The following RAB11FIP3 variants were observed in gnomAD, a reference collection of about 807,000 sequenced individuals.
RAB11FIP3 encodes the protein rab11 family-interacting protein 3.
RAB11FIP3 carries 17 observed loss-of-function variants against 77.8 expected under a neutral mutation model. The ratio of observed to expected loss-of-function variants is 0.22; its 90% CI spans 0.15 to 0.33. RAB11FIP3 has a LOEUF of 0.33. Ranked by LOEUF, RAB11FIP3 falls within the 10% of genes least tolerant of loss-of-function variation. The pLI is 1.00. For missense variants in RAB11FIP3, 1,005 were observed against 1,011.2 expected, an observed-to-expected ratio of 0.99 and a Z score of 0.08; for synonymous variants, 437 against 448.2, an observed-to-expected ratio of 0.98 and a Z score of 0.31.
chr16:469,855 C>G (rs897539810), intron 2 of RAB11FIP3, among the ~76,000 whole-genome samples: 3 of 151,892 alleles, frequency 2.0e-5, no homozygotes, highest in Non-Finnish European at 4.4e-5. Context: ...GAGACAGGGT[C>G]TTGCTCTGTC....
intron 5 of RAB11FIP3, among the ~76,000 whole-genome samples, chr16:495,345 G>A (rs2031026905): frequency 6.6e-6 from 1 of 152,202 alleles, no homozygotes; most frequent in African/African-American, 2.4e-5. Flanking sequence ...ACGGCGTGGT[G>A]GGGACACCAC....
intron 6 of RAB11FIP3, 182 bp from the exon 7 acceptor site, chr16:502,822 C>T (rs1196673915): frequency 8.2e-6 from 5 of 606,346 alleles, no homozygotes; most frequent in Non-Finnish European, 1.2e-5. Context: ...GATGTCCAGC[C>T]TGGGACCTCC....
intron 4 of RAB11FIP3, among the ~76,000 whole-genome samples, chr16:484,311 T>A (rs1464482214): frequency 1.3e-5 from 2 of 151,888 alleles, no homozygotes; most frequent in East Asian, 3.9e-4. Flanking sequence ...AGGTCCTTCC[T>A]GTGCCTGGCT....
At position 505,961 on chromosome 16, in the gene RAB11FIP3, G is replaced by C. The variant is rs932900956; in HGVS notation, c.1499+334G>C. The stretch of plus-strand genomic sequence containing the variant: ...CACGCAGTGCTCAGCCTCACCAGCA[G>C]GCCTGGAGGTGCAGCTCTCCCACCA... On this transcript the variant is annotated intron_variant, in intron 8 of 13. Coordinates refer to ENST00000262305, the MANE Select transcript of RAB11FIP3 (RefSeq NM_014700.4). The surrounding 1 kb of genome is among the most constrained non-coding windows in gnomAD (Gnocchi z 4.0). Among the ~76,000 whole-genome samples, 7 of 152,242 alleles carry C rather than the reference G, an allele frequency of 4.6e-5. No individual in the cohort carries two copies. Among genetic ancestry groups the C allele is most frequent in the African/African-American group, 1.7e-4 (7 of 41,468 alleles).
At chr16:438,719 T>A (rs547468275) in intron 1 of RAB11FIP3, among the ~76,000 whole-genome samples, 1 of 151,198 alleles carries the variant, frequency 6.6e-6, no homozygotes, top group African/African-American at 2.4e-5. Flanking sequence ...GAGATGGAAT[T>A]TCGCTCTAAC....
chr16:510,888 C>T, intron 9 of RAB11FIP3, 88 bp downstream of exon 9: 2 of 1,496,086 alleles, frequency 1.3e-6, no homozygotes, highest in Non-Finnish European at 1.8e-6. Context: ...CCAGAAACTG[C>T]AGGCCAGGTA....
Position 472,765 on chromosome 16 carries a change from A to T in RAB11FIP3, c.903+1376A>T, listed in dbSNP as rs986741273. Among the ~76,000 whole-genome samples the T allele has an allele frequency of 2.0e-5, 3 of 152,148 alleles. No homozygotes were observed. The highest frequency in any genetic ancestry group is 7.2e-5 in the African/African-American group (3 of 41,430). Reference sequence around the variant, plus strand: ...TGGCTGAAGAGTGGCCTCTCAAAAGATATGTCCACCCAGCAGCTGTGGATG... The same window carrying T: ...TGGCTGAAGAGTGGCCTCTCAAAAGTTATGTCCACCCAGCAGCTGTGGATG... On this transcript the variant is annotated intron_variant, in intron 3 of 13. Coordinates refer to ENST00000262305, the MANE Select transcript of RAB11FIP3 (RefSeq NM_014700.4). The surrounding 1 kb of genome is among the most constrained non-coding windows in gnomAD (Gnocchi z 4.1).
chr16:491,410 C>T, intron 5 of RAB11FIP3: 2 of 866,616 alleles, frequency 2.3e-6, no homozygotes, highest in Non-Finnish European at 3.1e-6. Context: ...CGCCTCCCAC[C>T]CTGCACGCTG....
intron 1 of RAB11FIP3, among the ~76,000 whole-genome samples, chr16:458,623 T>TTCCTCGGGTTCACCGATGCCCACA (rs2055549496): frequency 3.7e-5 from 2 of 54,230 alleles, no homozygotes; most frequent in African/African-American, 5.8e-5. Context: ...GATGCTCATC[T>TTCCTCGGGTTCACCGATGCCCACA]GCCGTAACCT....
chr16:515,892 T>C (rs1192737137), intron 9 of RAB11FIP3, among the ~76,000 whole-genome samples: 2 of 152,012 alleles, frequency 1.3e-5, no homozygotes, highest in Non-Finnish European at 2.9e-5. Flanking sequence ...TACAGCTGGA[T>C]CACACCCATC....
At chr16:437,383 A>G (rs1294925508) in intron 1 of RAB11FIP3, among the ~76,000 whole-genome samples, 1 of 151,798 alleles carries the variant, frequency 6.6e-6, no homozygotes, top group Admixed American at 6.6e-5. Flanking sequence ...AGTGTGGCCA[A>G]CATGGTGAAA....
At chr16:496,938 A>G in intron 6 of RAB11FIP3, 79 bp downstream of exon 6, 2 of 1,424,290 alleles carry the variant, frequency 1.4e-6, no homozygotes, top group East Asian at 2.3e-5. Context: ...ACATTTTAAA[A>G]TGTTCTTTTC....
Position 519,907 on chromosome 16 carries a change from G to T in RAB11FIP3, c.1860+16G>T, listed in dbSNP as rs540258262. ...CACCCAGGAGGTGAGCACCCACCCT[G>T]CCCCACGCCCAGTCCTGCGCCCAGC... is the stretch of plus-strand genomic sequence containing the variant. On this transcript the variant is annotated intron_variant, in intron 11 of 13. Coordinates refer to ENST00000262305, the MANE Select transcript of RAB11FIP3 (RefSeq NM_014700.4). The T allele has an allele frequency of 5.1e-6, 8 of 1,567,414 alleles. No individual in the cohort carries two copies. The highest frequency in any genetic ancestry group is 6.9e-6 in the Non-Finnish European group (8 of 1,156,564).
chr16:512,582 C>T (rs1281832793), intron 9 of RAB11FIP3, among the ~76,000 whole-genome samples: 2 of 135,970 alleles, frequency 1.5e-5, no homozygotes, highest in East Asian at 2.2e-4. Context: ...GTCACCCTGT[C>T]GCCCAGGCTA....
rs1428773725 is a variant in RAB11FIP3, at chr16:514,824, C to T, written c.1640+4024C>T. Among the ~76,000 whole-genome samples the T allele has an allele frequency of 2.0e-5, 3 of 152,214 alleles. No homozygotes were observed. Among genetic ancestry groups the T allele is most frequent in the Non-Finnish European group, 2.9e-5 (2 of 68,042 alleles). On this transcript the variant is annotated intron_variant, in intron 9 of 13. Transcript: ENST00000262305. This position sits in a 1 kb window ranked among gnomAD's most constrained non-coding sequence, Gnocchi z 4.6. ...TCCACAGAGACCGGGGCCTGATTTGCAGCTTGTGGCACCTGCCGAACCCCC... is the reference window on the plus strand; with the variant it reads ...TCCACAGAGACCGGGGCCTGATTTGTAGCTTGTGGCACCTGCCGAACCCCC...
intron 8 of RAB11FIP3, among the ~76,000 whole-genome samples, chr16:508,761 C>T (rs2031994051): frequency 6.6e-6 from 1 of 152,220 alleles, no homozygotes; most frequent in African/African-American, 2.4e-5. Flanking sequence ...CTCTCCCTCT[C>T]ATCTGTCTGA....
chr16:496,173 T>G (rs1304381715), intron 5 of RAB11FIP3, among the ~76,000 whole-genome samples: 1 of 151,806 alleles, frequency 6.6e-6, no homozygotes, highest in African/African-American at 2.4e-5. Flanking sequence ...GCCCCAGGGG[T>G]GAGGGTGTCT....
At chr16:491,873 C>G (rs8046020) in intron 5 of RAB11FIP3, among the ~76,000 whole-genome samples, 1 of 152,208 alleles carries the variant, frequency 6.6e-6, no homozygotes, top group African/African-American at 2.4e-5. Context: ...GGTGAAGAAA[C>G]GGGCCACTTT....
intron 5 of RAB11FIP3, among the ~76,000 whole-genome samples, chr16:493,315 A>G (rs559431516): frequency 1.3e-4 from 19 of 151,804 alleles, no homozygotes; most frequent in African/African-American, 3.9e-4. Flanking sequence ...CAACACAATC[A>G]GGACACACAA....
Sources: allele counts gnomAD v4.1 joint callset (sites outside exome capture counted in the v4.1 genomes callset), GRCh38; gene constraint gnomAD v4.1.1; non-coding constraint Gnocchi (gnomAD v3.1); transcripts MANE v1.5; gene names NCBI Gene and HGNC (gene_info 2026-07-23, HGNC 2026-07-21).